TEX11: variants seen among roughly 807,000 people sequenced by gnomAD.
TEX11 encodes testis expressed 11.
Under a neutral mutation model 84.4 loss-of-function variants are expected in TEX11, and 7 were observed. The observed-to-expected ratio is 0.08, with a 90% CI of 0.05 to 0.16. The LOEUF (loss-of-function observed/expected upper bound fraction) is 0.16, where lower values mean the gene tolerates loss of function less well. Ranked by LOEUF, TEX11 falls within the 10% of genes least tolerant of loss-of-function variation. TEX11 has a pLI of 1.00. For synonymous variants in TEX11, 264 were observed against 222.8 expected, an observed-to-expected ratio of 1.18 and a Z score of -1.64; for missense variants, 551 against 660.5, an observed-to-expected ratio of 0.83 and a Z score of 1.82.
At chrX:70,710,825 A>C (rs889321308) in intron 13 of TEX11, among the ~76,000 whole-genome samples, 1 of 111,234 alleles carries the variant, frequency 9.0e-6, no homozygotes, top group African/African-American at 3.3e-5. Flanking sequence ...TTTAGGGTAC[A>C]TGTGCACATT....
intron 20 of TEX11, among the ~76,000 whole-genome samples, chrX:70,618,297 G>A (rs2089342412): frequency 9.0e-6 from 1 of 111,348 alleles, no homozygotes; most frequent in South Asian, 3.9e-4. Context: ...AGGACATGTT[G>A]ATATCCATCA....
chrX:70,629,878 C>CT, intron 17 of TEX11, 143 bp from the exon 18 acceptor site: 1 of 495,961 alleles, frequency 2.0e-6, no homozygotes, highest in Admixed American at 4.8e-5. Context: ...ATGTGAGTTG[C>CT]TAAGCTTTCA....
chrX:70,894,565 G>T (rs959193531), intron 2 of TEX11, among the ~76,000 whole-genome samples: 3 of 109,411 alleles, frequency 2.7e-5, no homozygotes, highest in African/African-American at 1.0e-4. Context: ...GGAAGAGGTT[G>T]CAGTGAGCCA....
intron 25 of TEX11, among the ~76,000 whole-genome samples, chrX:70,569,360 T>G (rs956423199): frequency 1.8e-5 from 2 of 111,971 alleles, no homozygotes; most frequent in Non-Finnish European, 3.8e-5. Flanking sequence ...AATTTCCTCC[T>G]GTAGCTCAGA....
intron 28 of TEX11, among the ~76,000 whole-genome samples, chrX:70,534,715 T>C (rs975855651): frequency 8.9e-6 from 1 of 112,013 alleles, no homozygotes; most frequent in African/African-American, 3.2e-5. Flanking sequence ...ATGCCTGTCC[T>C]TTTAGGCTCT....
At chrX:70,661,621 C>T (rs996082700) in intron 16 of TEX11, among the ~76,000 whole-genome samples, 7 of 111,690 alleles carry the variant, frequency 6.3e-5, no homozygotes, top group African/African-American at 2.3e-4. Flanking sequence ...TGGGAGGCAC[C>T]CCCCAGTAGG....
chrX:70,696,149 A>AT (rs1382546638), intron 13 of TEX11, among the ~76,000 whole-genome samples: 1 of 111,416 alleles, frequency 9.0e-6, no homozygotes, highest in Non-Finnish European at 1.9e-5. Context: ...ACCCACTCCA[A>AT]TATCTATCTG....
chrX:70,736,132 AT>A (rs1183733683), intron 11 of TEX11, among the ~76,000 whole-genome samples: 1 of 111,520 alleles, frequency 9.0e-6, no homozygotes, highest in African/African-American at 3.3e-5. Flanking sequence ...ATGAGACTTA[AT>A]TTTACCTAAT....
intron 4 of TEX11, among the ~76,000 whole-genome samples, chrX:70,861,282 C>A (rs1198570355): frequency 3.7e-5 from 4 of 106,946 alleles, no homozygotes; most frequent in Non-Finnish European, 7.7e-5. Context: ...GGGATGGTCT[C>A]GATCTCCTGA....
chrX:70,579,957 C>T (rs2088748275), intron 25 of TEX11, among the ~76,000 whole-genome samples: 1 of 112,076 alleles, frequency 8.9e-6, no homozygotes, highest in Non-Finnish European at 1.9e-5. Flanking sequence ...CCTAGGTATA[C>T]ACTCAAAAGA....
chrX:70,576,746 T>C (rs2088679075), intron 25 of TEX11, among the ~76,000 whole-genome samples: 1 of 112,473 alleles, frequency 8.9e-6, no homozygotes, highest in Non-Finnish European at 1.9e-5. Flanking sequence ...TTGTGGAGCT[T>C]ATAGTCTAGG....
intron 7 of TEX11, among the ~76,000 whole-genome samples, chrX:70,842,964 T>C (rs1295057407): frequency 9.0e-6 from 1 of 111,409 alleles, no homozygotes; most frequent in Non-Finnish European, 1.9e-5. Flanking sequence ...AAACCACTGC[T>C]CAGTGAAATA....
chrX:70,521,386 C>A, the TEX11 span, among the ~76,000 whole-genome samples: 1 of 110,248 alleles, frequency 9.1e-6, no homozygotes, highest in African/African-American at 3.3e-5. Flanking sequence ...TCACACGATT[C>A]TCCTGCCTCA....
chrX:70,535,129 T>C (rs5936909), intron 28 of TEX11, among the ~76,000 whole-genome samples: 46,983 of 111,366 alleles, frequency 0.42, 8,251 homozygotes, highest in East Asian at 0.61. Context: ...TTTATCCATG[T>C]TATAGCACGT....
intron 1 of TEX11, 53 bp from the exon 2 acceptor site, chrX:70,907,863 C>A: frequency 2.5e-6 from 2 of 796,133 alleles, no homozygotes; most frequent in Non-Finnish European, 3.8e-6. Context: ...AGTTTCTCAA[C>A]AAATTTCTTT....
At chrX:70,849,121 T>G (rs1388167839) in intron 7 of TEX11, among the ~76,000 whole-genome samples, 1 of 112,428 alleles carries the variant, frequency 8.9e-6, no homozygotes, top group East Asian at 2.8e-4. Context: ...ATGTTAACAA[T>G]TGTTAGGAAG....
At chrX:70,604,753 C>T (rs771507783) in intron 24 of TEX11, among the ~76,000 whole-genome samples, 4 of 110,900 alleles carry the variant, frequency 3.6e-5, no homozygotes, top group Non-Finnish European at 7.6e-5. Flanking sequence ...AAAAATCATA[C>T]AAAAATGCTA....
chrX:70,871,315 AT>A (rs1291965910), intron 4 of TEX11, among the ~76,000 whole-genome samples: 1 of 112,185 alleles, frequency 8.9e-6, no homozygotes, highest in Non-Finnish European at 1.9e-5. Flanking sequence ...TGTGTAAATC[AT>A]TGCCAAATCT....
At chrX:70,781,049 C>T (rs1189317937) in intron 9 of TEX11, among the ~76,000 whole-genome samples, 2 of 111,836 alleles carry the variant, frequency 1.8e-5, no homozygotes, top group Non-Finnish European at 1.9e-5. Flanking sequence ...GAGACACCTC[C>T]CAGTAAGGGC....
Sources: allele counts gnomAD v4.1 joint callset (sites outside exome capture counted in the v4.1 genomes callset), GRCh38; gene constraint gnomAD v4.1.1; transcripts MANE v1.5; gene names NCBI Gene and HGNC (gene_info 2026-07-23, HGNC 2026-07-21).